DPY19L2: variants seen among roughly 807,000 people sequenced by gnomAD.
The protein encoded by DPY19L2 is dpy-19 like 2, also known as probable C-mannosyltransferase DPY19L2.
Under a neutral mutation model 97.9 loss-of-function variants are expected in DPY19L2, and 34 were observed. That is an observed-to-expected ratio of 0.35 (90% CI 0.26 to 0.46). The LOEUF is 0.46. Among genes scored for constraint, DPY19L2 ranks in the 20% least tolerant of loss-of-function variants. The pLI is 1.00. For missense variants in DPY19L2, 623 were observed against 911.4 expected (o/e 0.68, Z 4.07); for synonymous variants, 230 against 307.9 (o/e 0.75, Z 2.65).
intron 15 of DPY19L2, 45 bp downstream of exon 15, chr12:63,595,921 C>A: frequency 1.3e-6 from 2 of 1,497,276 alleles, no homozygotes; most frequent in Non-Finnish European, 1.8e-6. Context: ...TTCTTATAGT[C>A]CTTATATTGA....
intron 15 of DPY19L2, among the ~76,000 whole-genome samples, chr12:63,594,647 C>CGT (rs1260861256): frequency 2.4e-5 from 3 of 124,280 alleles, no homozygotes; most frequent in African/African-American, 7.5e-5. Context: ...CGTGTGTGTG[C>CGT]GTGTCTGTGT....
chr12:63,659,282 C>T (rs1282000329), intron 4 of DPY19L2, among the ~76,000 whole-genome samples: 2 of 151,778 alleles, frequency 1.3e-5, no homozygotes, highest in East Asian at 3.9e-4. Flanking sequence ...AAAATAATAC[C>T]ATTTATAATA....
chr12:63,605,611 TG>T (rs1885907057), intron 12 of DPY19L2, among the ~76,000 whole-genome samples: 1 of 152,164 alleles, frequency 6.6e-6, no homozygotes, highest in East Asian at 1.9e-4. Context: ...ACTCAGGTCT[TG>T]GTTTCCAAAT....
chr12:63,631,598 G>C (rs1194679145), intron 6 of DPY19L2, among the ~76,000 whole-genome samples: 1 of 152,018 alleles, frequency 6.6e-6, no homozygotes, highest in East Asian at 1.9e-4. Flanking sequence ...AAAAAGTCCA[G>C]GACCAGACAG....
chr12:63,626,606 C>G (rs1889596012), intron 6 of DPY19L2, 80 bp from the exon 7 acceptor site: 1 of 1,492,018 alleles, frequency 6.7e-7, no homozygotes, highest in East Asian at 2.4e-5. Flanking sequence ...AAAATTACCT[C>G]AGAATTTAAA....
chr12:63,618,302 A>C (rs1888155819), intron 9 of DPY19L2, 74 bp from the exon 10 acceptor site: 1 of 597,158 alleles, frequency 1.7e-6, no homozygotes, highest in Non-Finnish European at 2.8e-6. Flanking sequence ...AGGCAAAGTA[A>C]ATATAAGAGG....
intron 7 of DPY19L2, among the ~76,000 whole-genome samples, chr12:63,624,396 A>G (rs1025056496): frequency 3.3e-5 from 5 of 152,112 alleles, no homozygotes; most frequent in Admixed American, 2.6e-4. Flanking sequence ...GATTGTACGT[A>G]TAAGAGTTGT....
intron 6 of DPY19L2, among the ~76,000 whole-genome samples, chr12:63,628,152 C>G (rs566651078): frequency 1.3e-5 from 2 of 152,228 alleles, no homozygotes; most frequent in South Asian, 4.1e-4. Context: ...ACACAGAGGA[C>G]GGGTGATTTC....
intron 4 of DPY19L2, among the ~76,000 whole-genome samples, chr12:63,649,829 A>ACATTTGG (rs1013548764): frequency 9.8e-5 from 15 of 152,300 alleles, no homozygotes; most frequent in African/African-American, 3.4e-4. Flanking sequence ...TATAAGGCTA[A>ACATTTGG]CATCATTCTG....
In DPY19L2 at chr12:63,630,209, C is replaced by T. The variant is rs1386762750; in HGVS notation, c.804-3683G>A. The stretch of plus-strand genomic sequence containing the variant: ...TCATAATGACAGGATCAAATTTACA[C>T]ATAACAATATTAACCTTAAATGTAA... On this transcript the variant is annotated intron_variant, in intron 6 of 21. Coordinates refer to ENST00000324472, the MANE Select transcript of DPY19L2 (RefSeq NM_173812.5). 2.0e-5 allele frequency among the ~76,000 whole-genome samples: 3 copies of T among 152,238 alleles called. No homozygotes were observed. The East Asian group carries it at 5.8e-4, about 29-fold the overall frequency.
At chr12:63,596,351 G>T (rs61935054) in intron 14 of DPY19L2, among the ~76,000 whole-genome samples, 1 of 151,486 alleles carries the variant, frequency 6.6e-6, no homozygotes, top group Non-Finnish European at 1.5e-5. Context: ...TGTGTCTACC[G>T]ATCCCTGGGT....
At chr12:63,643,376 T>C (rs936541039) in intron 6 of DPY19L2, among the ~76,000 whole-genome samples, 8 of 152,136 alleles carry the variant, frequency 5.3e-5, no homozygotes, top group African/African-American at 1.7e-4. Flanking sequence ...AGAGTGTGTA[T>C]ATTTACTAAT....
chr12:63,632,012 C>T (rs1010229070), intron 6 of DPY19L2, among the ~76,000 whole-genome samples: 276 of 152,218 alleles, frequency 1.8e-3, no homozygotes, highest in Admixed American at 4.1e-3. Flanking sequence ...CAAAATTCAA[C>T]AACCCCTCAT....
At chr12:63,579,607 G>T (rs1880509510) in intron 19 of DPY19L2, among the ~76,000 whole-genome samples, 1 of 152,138 alleles carries the variant, frequency 6.6e-6, no homozygotes, top group South Asian at 2.1e-4. Context: ...GATTAAAAGG[G>T]CAGCTATTTT....
chr12:63,639,585 C>T (rs939559934), intron 6 of DPY19L2, among the ~76,000 whole-genome samples: 3 of 152,240 alleles, frequency 2.0e-5, no homozygotes, highest in East Asian at 1.9e-4. Context: ...ATGCAGCCAA[C>T]AGACATATGA....
rs776075061 is a variant in DPY19L2, at chr12:63,600,318, G to A, written c.1347C>T (p.Gly449=). The A allele has an allele frequency of 3.1e-6, 5 of 1,606,840 alleles. No homozygotes were observed. In the East Asian group the frequency reaches 8.9e-5, roughly 29 times the overall value. Residue 449 remains glycine, a synonymous_variant, in exon 13 of 22, where the codon GGC becomes GGT. Coordinates refer to ENST00000324472, the MANE Select transcript of DPY19L2 (RefSeq NM_173812.5). ...ILKFLTSKIL[G]VSDHIRLSDL... is the part of the protein sequence containing the mutation. ...AAAAAGTACTTACGTGGTCTGAAAC[G>A]CCTAAGATTTTAGATGTCAGAAATT...
intron 6 of DPY19L2, among the ~76,000 whole-genome samples, chr12:63,629,787 C>A (rs1293261127): frequency 1.3e-5 from 2 of 152,050 alleles, no homozygotes; most frequent in African/African-American, 4.8e-5. Context: ...AATGGAAATG[C>A]AGGAAAAACT....
intron 12 of DPY19L2, among the ~76,000 whole-genome samples, chr12:63,608,212 A>G (rs1886375709): frequency 6.6e-6 from 1 of 152,184 alleles, no homozygotes; most frequent in Non-Finnish European, 1.5e-5. Flanking sequence ...GGAAAGAGAG[A>G]CAGATGATGG....
chr12:63,561,753 G>C (rs1876560131), intron 21 of DPY19L2, among the ~76,000 whole-genome samples: 1 of 151,326 alleles, frequency 6.6e-6, no homozygotes, highest in African/African-American at 2.4e-5. Flanking sequence ...CATGGACAAG[G>C]CTTTTTGTGG....
Sources: allele counts gnomAD v4.1 joint callset (sites outside exome capture counted in the v4.1 genomes callset), GRCh38; gene constraint gnomAD v4.1.1; transcripts MANE v1.5; gene names NCBI Gene and HGNC (gene_info 2026-07-23, HGNC 2026-07-21).